The following CELF2 variants were observed in gnomAD, a reference collection of about 807,000 sequenced individuals.
CELF2 encodes CUGBP Elav-like family member 2.
In CELF2, 8 loss-of-function variants were observed where a neutral mutation model predicts 62.6. The observed-to-expected ratio is 0.13, with a 90% confidence interval of 0.07 to 0.23. The LOEUF (loss-of-function observed/expected upper bound fraction) is 0.23. CELF2 is among the 10% of genes least tolerant of loss of function. CELF2 has a pLI of 1.00. For missense variants in CELF2, 333 were observed against 671.0 expected (o/e 0.50, Z 5.56); for synonymous variants, 258 against 250.0 (o/e 1.03, Z -0.30).
chr10:10,739,129 A>G, the CELF2 span, among the ~76,000 whole-genome samples: 1 of 152,142 alleles, frequency 6.6e-6, no homozygotes, highest in African/African-American at 2.4e-5. Flanking sequence ...AAAATCACCA[A>G]ATAGAATCTG....
rs916580334 is a variant in CELF2 at position 11,207,943 on chromosome 10, G to A, written c.272-9482G>A. On this transcript the variant is annotated intron_variant, in intron 2 of 12. Coordinates refer to ENST00000633077, the MANE Select transcript of CELF2 (RefSeq NM_001326342.2). The surrounding 1 kb of genome is among the most constrained non-coding windows in gnomAD (Gnocchi z 4.1). Reference sequence around the variant, plus strand: ...TGTTGGAGAGACATTTCAGATGAGAGGTTTAGGTTATAAAGAGACATTTTA... The same window carrying A: ...TGTTGGAGAGACATTTCAGATGAGAAGTTTAGGTTATAAAGAGACATTTTA... Among the ~76,000 whole-genome samples, 2 of 152,162 alleles carry A rather than the reference G, an allele frequency of 1.3e-5. No individual in the cohort carries two copies. Among genetic ancestry groups the A allele is most frequent in the Non-Finnish European group, 2.9e-5 (2 of 68,020 alleles).
At chr10:10,651,289 G>T in the CELF2 span, among the ~76,000 whole-genome samples, 17 of 146,920 alleles carry the variant, frequency 1.2e-4, no homozygotes, top group East Asian at 2.7e-3. Flanking sequence ...CAGTGAGGCT[G>T]GGGGAGGGGT....
Position 11,165,241 on chromosome 10 carries a change from G to T in CELF2, c.75-245G>T. ...CGCCCTGGGTGACAGGCGGCAGGGC[G>T]CTGCCCCGTGCTCCCCCGGCTCTGC... On this transcript the variant is annotated intron_variant, in intron 1 of 12. Coordinates refer to ENST00000633077, the MANE Select transcript of CELF2 (RefSeq NM_001326342.2). This position sits in a 1 kb window ranked among gnomAD's most constrained non-coding sequence, Gnocchi z 7.4. 1.5e-6 allele frequency: 2 copies of T among 1,341,094 alleles called. No homozygotes were observed. 83.1% of individuals were successfully genotyped at this position (1,341,094 alleles called of 1,614,324 possible).
the CELF2 span, among the ~76,000 whole-genome samples, chr10:10,624,661 A>G: frequency 6.6e-6 from 1 of 152,246 alleles, no homozygotes; most frequent in Non-Finnish European, 1.5e-5. Context: ...TGTTGATTGC[A>G]GAAAACCCTG....
the CELF2 span, among the ~76,000 whole-genome samples, chr10:10,701,808 T>C: frequency 6.6e-6 from 1 of 152,170 alleles, no homozygotes; most frequent in Admixed American, 6.5e-5. Flanking sequence ...TTAGAGACCA[T>C]GAGAAAGTCC....
At chr10:10,756,760 TA>T in the CELF2 span, among the ~76,000 whole-genome samples, 1 of 152,348 alleles carries the variant, frequency 6.6e-6, no homozygotes, top group Non-Finnish European at 1.5e-5. Flanking sequence ...ATGATTGTCT[TA>T]GTGCAAATAT....
chr10:11,183,844 C>T (rs1028208172), intron 2 of CELF2, among the ~76,000 whole-genome samples: 4 of 152,164 alleles, frequency 2.6e-5, no homozygotes, highest in African/African-American at 7.2e-5. Context: ...ACTAGATACA[C>T]GTTTTGCAAA....
chr10:10,560,680 A>AG, the CELF2 span, among the ~76,000 whole-genome samples: 1 of 151,776 alleles, frequency 6.6e-6, no homozygotes, highest in African/African-American at 2.4e-5. Flanking sequence ...ATCTACCCAG[A>AG]GGGGAAAAAA....
rs191427809 is a variant in CELF2 at position 11,231,851 on chromosome 10, A to T, written c.354+14344A>T. ...CTTCTCTCCATTTTACCTGCAGTGC[A>T]CTCAAAGGCAAAAAAATAAAAAATA... On this transcript the variant is annotated intron_variant, in intron 3 of 12. Transcript: ENST00000633077. Among the ~76,000 whole-genome samples, 2 of 151,802 alleles carry T rather than the reference A, an allele frequency of 1.3e-5. 1 individual carries two copies. The highest frequency in any genetic ancestry group is 3.9e-4 in the East Asian group (2 of 5,182).
At chr10:10,517,372 G>C in the CELF2 span, among the ~76,000 whole-genome samples, 1 of 152,032 alleles carries the variant, frequency 6.6e-6, no homozygotes, top group African/African-American at 2.4e-5. Flanking sequence ...CCCCTTCCTG[G>C]TATAAGAATT....
chr10:10,545,917 A>C, the CELF2 span, among the ~76,000 whole-genome samples: 1 of 152,162 alleles, frequency 6.6e-6, no homozygotes, highest in Non-Finnish European at 1.5e-5. Context: ...TCTATGCTTA[A>C]AAGCACCAAG....
the CELF2 span, among the ~76,000 whole-genome samples, chr10:10,704,473 G>A: frequency 3.9e-5 from 6 of 152,124 alleles, no homozygotes; most frequent in South Asian, 1.2e-3. Flanking sequence ...TTTCATTATT[G>A]TAGCTCAGAC....
intron 2 of CELF2, among the ~76,000 whole-genome samples, chr10:10,964,558 G>C (rs1201794962): frequency 6.6e-6 from 1 of 152,052 alleles, no homozygotes; most frequent in African/African-American, 2.4e-5. Flanking sequence ...CCTTTCAAAG[G>C]GATTTTATTT....
the CELF2 span, among the ~76,000 whole-genome samples, chr10:10,597,071 A>T: frequency 2.0e-5 from 3 of 152,318 alleles, no homozygotes; most frequent in African/African-American, 7.2e-5. Flanking sequence ...TACCCCCAGG[A>T]CACCCTCTAT....
chr10:10,488,361 C>T, the CELF2 span, among the ~76,000 whole-genome samples: 1 of 152,078 alleles, frequency 6.6e-6, no homozygotes, highest in African/African-American at 2.4e-5. Context: ...TATTTAATTT[C>T]CCTATGTGTC....
At chr10:11,206,221 A>G (rs1052811229) in intron 2 of CELF2, among the ~76,000 whole-genome samples, 2 of 152,170 alleles carry the variant, frequency 1.3e-5, no homozygotes, top group Non-Finnish European at 2.9e-5. Flanking sequence ...TCGTCAAAGC[A>G]AGGCAGTGAA....
At chr10:10,922,212 C>A (rs1401848702) in intron 2 of CELF2, among the ~76,000 whole-genome samples, 1 of 152,074 alleles carries the variant, frequency 6.6e-6, no homozygotes, top group African/African-American at 2.4e-5. Flanking sequence ...CATCATGTGC[C>A]AGTTTTCAGG....
the CELF2 span, among the ~76,000 whole-genome samples, chr10:10,703,154 C>T: frequency 6.6e-6 from 1 of 152,200 alleles, no homozygotes; most frequent in African/African-American, 2.4e-5. Context: ...TATAAAATAA[C>T]AATTGATATT....
At position 10,934,187 on chromosome 10, in the gene CELF2, A is replaced by G. The variant is rs2066393407; in HGVS notation, c.89+14188A>G. ...TGATTTGCTTTGTTTTGTTTTCAAT[A>G]CCAGTAGGGGCATTGGAACAGGGTT... On this transcript the variant is annotated intron_variant, in intron 2 of 13. Coordinates refer to the CELF2 transcript ENST00000636488. The surrounding 1 kb of genome is among the most constrained non-coding windows in gnomAD (Gnocchi z 4.4). Among the ~76,000 whole-genome samples the G allele has an allele frequency of 5.9e-5, 9 of 152,158 alleles. No homozygotes were observed. The South Asian group carries it at 1.9e-3, about 32-fold the overall frequency.
Sources: allele counts gnomAD v4.1 joint callset (sites outside exome capture counted in the v4.1 genomes callset), GRCh38; gene constraint gnomAD v4.1.1; non-coding constraint Gnocchi (gnomAD v3.1); transcripts MANE v1.5; gene names NCBI Gene and HGNC (gene_info 2026-07-23, HGNC 2026-07-21).